ARHGAP29: variants seen among roughly 807,000 people sequenced by gnomAD.
The protein encoded by ARHGAP29 is rho GTPase-activating protein 29.
ARHGAP29 carries 43 observed loss-of-function variants against 122.6 expected under a neutral mutation model. The ratio of observed to expected loss-of-function variants is 0.35; its 90% CI spans 0.27 to 0.45. The LOEUF (loss-of-function observed/expected upper bound fraction) is 0.45. Ranked by LOEUF, ARHGAP29 falls within the 20% of genes least tolerant of loss-of-function variation. ARHGAP29 has a pLI of 1.00. For synonymous variants in ARHGAP29, 506 were observed against 497.1 expected, an observed-to-expected ratio of 1.02 and a Z score of -0.24; for missense variants, 1,303 against 1,477.2, an observed-to-expected ratio of 0.88 and a Z score of 1.93.
chr1:94,244,515 T>C (rs944056844), intron 1 of ARHGAP29, among the ~76,000 whole-genome samples: 4 of 152,066 alleles, frequency 2.6e-5, no homozygotes, highest in African/African-American at 9.7e-5. Flanking sequence ...CCGACAGGTT[T>C]TCTCCTTAAG....
intron 1 of ARHGAP29, among the ~76,000 whole-genome samples, chr1:94,251,171 A>ATTT (rs531839914): frequency 2.2e-5 from 3 of 134,218 alleles, no homozygotes; most frequent in African/African-American, 8.2e-5. Context: ...TATCATACCC[A>ATTT]TTTTTTTTTT....
At chr1:94,249,759 A>G (rs1355023461) in intron 1 of ARHGAP29, among the ~76,000 whole-genome samples, 1 of 152,118 alleles carries the variant, frequency 6.6e-6, no homozygotes, top group Non-Finnish European at 1.5e-5. Context: ...CTCAAAAAAA[A>G]AAAAAGAAAG....
the ARHGAP29 span, among the ~76,000 whole-genome samples, chr1:94,290,548 T>C: frequency 6.6e-6 from 1 of 152,262 alleles, no homozygotes; most frequent in Non-Finnish European, 1.5e-5. Context: ...CTGCTTTCTC[T>C]TGTGGGCATT....
the ARHGAP29 span, among the ~76,000 whole-genome samples, chr1:94,309,635 T>C: frequency 6.6e-6 from 1 of 152,176 alleles, no homozygotes; most frequent in South Asian, 2.1e-4. Context: ...TGAGCAGATG[T>C]ATATGCTAAA....
At chr1:94,208,368 G>T (rs1238578420) in intron 5 of ARHGAP29, among the ~76,000 whole-genome samples, 1 of 151,904 alleles carries the variant, frequency 6.6e-6, no homozygotes, top group Non-Finnish European at 1.5e-5. Context: ...TTTGCATTCA[G>T]CAAAAAAGTT....
chr1:94,188,057 T>C (rs540529355), intron 15 of ARHGAP29, among the ~76,000 whole-genome samples: 29 of 152,270 alleles, frequency 1.9e-4, no homozygotes, highest in African/African-American at 6.7e-4. Context: ...GAAAGAAACG[T>C]TGCCAGAAAG....
chr1:94,310,193 C>A, the ARHGAP29 span, among the ~76,000 whole-genome samples: 2 of 152,120 alleles, frequency 1.3e-5, no homozygotes, highest in East Asian at 1.9e-4. Flanking sequence ...GGAGTCCTCA[C>A]CTGGCAGCAA....
At chr1:94,310,011 A>C in the ARHGAP29 span, among the ~76,000 whole-genome samples, 8 of 152,200 alleles carry the variant, frequency 5.3e-5, no homozygotes, top group South Asian at 2.1e-4. Flanking sequence ...TTACCACCAA[A>C]AACTTCTGAG....
At chr1:94,264,187 G>A (rs1170361776) in intron 1 of ARHGAP29, among the ~76,000 whole-genome samples, 3 of 152,194 alleles carry the variant, frequency 2.0e-5, no homozygotes, top group Admixed American at 1.3e-4. Flanking sequence ...CGGTAGAATG[G>A]CCATCTGACT....
At chr1:94,232,263 G>T (rs982226920) in intron 1 of ARHGAP29, among the ~76,000 whole-genome samples, 29 of 151,832 alleles carry the variant, frequency 1.9e-4, no homozygotes, top group African/African-American at 6.8e-4. Context: ...TATCTCATGA[G>T]ATTGTAGGGA....
At chr1:94,187,151 A>G (rs1649857491) in intron 15 of ARHGAP29, among the ~76,000 whole-genome samples, 1 of 152,236 alleles carries the variant, frequency 6.6e-6, no homozygotes, top group Admixed American at 6.5e-5. Context: ...ACCACAGGAT[A>G]CAAGCTATGT....
intron 19 of ARHGAP29, among the ~76,000 whole-genome samples, chr1:94,180,527 T>A (rs1177748325): frequency 6.6e-6 from 1 of 152,204 alleles, no homozygotes; most frequent in African/African-American, 2.4e-5. Context: ...AATTTCAATG[T>A]TTCCGCTTGC....
intron 1 of ARHGAP29, chr1:94,250,615 A>G (rs1654045209): frequency 6.6e-6 from 1 of 152,214 alleles, no homozygotes; most frequent in Non-Finnish European, 1.5e-5. Flanking sequence ...TGATTCCATG[A>G]TGGGTGTAAT....
At chr1:94,289,727 G>A in the ARHGAP29 span, among the ~76,000 whole-genome samples, 156 of 152,216 alleles carry the variant, frequency 1.0e-3, no homozygotes, top group Middle Eastern at 3.4e-3. Flanking sequence ...GTTGAAGGCC[G>A]TTTCTGCATC....
intron 1 of ARHGAP29, among the ~76,000 whole-genome samples, chr1:94,254,874 A>C (rs1654269186): frequency 6.6e-6 from 1 of 152,180 alleles, no homozygotes; most frequent in Non-Finnish European, 1.5e-5. Flanking sequence ...TGCCAATAAC[A>C]ATGTTGTATT....
rs961595876 is a variant in ARHGAP29, at chr1:94,171,834, T to C, written c.*2035A>G. ...TGGGCTCCATATATTAAAAGAGAAC[T>C]GAAGAAGTTTAAAAGTACATTTTCT... On this transcript the variant is annotated 3_prime_UTR_variant, in exon 23 of 23. Transcript: ENST00000260526. The C allele has an allele frequency of 1.3e-5, 2 of 152,162 alleles. No homozygotes were observed. Among genetic ancestry groups the C allele is most frequent in the African/African-American group, 4.8e-5 (2 of 41,442 alleles). 9.4% of individuals were successfully genotyped at this position (152,162 alleles called of 1,614,324 possible).
chr1:94,234,556 AAT>A (rs1337708139), intron 1 of ARHGAP29, among the ~76,000 whole-genome samples: 1 of 152,182 alleles, frequency 6.6e-6, no homozygotes, highest in East Asian at 1.9e-4. Context: ...GTCAATCTCA[AAT>A]TATTTCTGAG....
At chr1:94,194,216 T>G (rs1650301858) in intron 12 of ARHGAP29, 1 of 152,240 alleles carries the variant, frequency 6.6e-6, no homozygotes, top group Non-Finnish European at 1.5e-5. Flanking sequence ...CATAAAACTC[T>G]GGAAGCCACA....
At position 94,268,187 on chromosome 1, in the gene ARHGAP29, T is replaced by C. The variant is rs184806503; in HGVS notation, c.-33+6825A>G. Among the ~76,000 whole-genome samples, 302 of 152,368 alleles carry C rather than the reference T, an allele frequency of 2.0e-3. 1 individual carries two copies. The highest frequency in any genetic ancestry group is 3.8e-3 in the Non-Finnish European group (256 of 68,034). Reference sequence around the variant, plus strand: ...GAAACTCTTAGTTTAATTTAAATATTTGTATTACATGGCAAGACCCATAGA... The same window carrying C: ...GAAACTCTTAGTTTAATTTAAATATCTGTATTACATGGCAAGACCCATAGA... On this transcript the variant is annotated intron_variant and NMD_transcript_variant, in intron 1 of 25. Transcript: ENST00000552844.
Sources: gnomAD v4.1 joint callset for allele counts (sites outside exome capture counted in the v4.1 genomes callset) on GRCh38, gnomAD v4.1.1 for gene constraint, MANE v1.5 for transcripts, NCBI Gene and HGNC (gene_info 2026-07-23, HGNC 2026-07-21) for gene names.